Variants in ARID1B observed in about 807,000 individuals in gnomAD.
ARID1B encodes the protein AT-rich interaction domain 1B.
In ARID1B, 30 loss-of-function variants were observed where a neutral mutation model predicts 212.3. The ratio of observed to expected loss-of-function variants is 0.14; its 90% CI spans 0.11 to 0.19. ARID1B has a LOEUF of 0.19. ARID1B is among the 10% of genes least tolerant of loss of function. The pLI is 1.00. For missense variants in ARID1B, 2,891 were observed against 3,204.0 expected, an observed-to-expected ratio of 0.90 and a Z score of 2.36; for synonymous variants, 1,402 against 1,301.7, an observed-to-expected ratio of 1.08 and a Z score of -1.66.
intron 15 of ARID1B, among the ~76,000 whole-genome samples, chr6:157,191,754 A>G (rs1793390392): frequency 1.3e-5 from 2 of 152,184 alleles, no homozygotes; most frequent in African/African-American, 4.8e-5. Flanking sequence ...TGATGTGTAT[A>G]TTATTGGAAA....
At chr6:157,011,436 G>A (rs1230573664) in intron 4 of ARID1B, among the ~76,000 whole-genome samples, 1 of 152,178 alleles carries the variant, frequency 6.6e-6, no homozygotes, top group Non-Finnish European at 1.5e-5. Context: ...AATGAACTAA[G>A]TGGAAAAATT....
chr6:156,779,305 C>T lies in ARID1B; in HGVS notation c.1625C>T (p.Ala542Val). 1 of 1,132,568 alleles carries T rather than the reference C, an allele frequency of 8.8e-7. No individual in the cohort carries two copies. Among genetic ancestry groups the T allele is most frequent in the Admixed American group, 5.0e-5 (1 of 20,006 alleles). 70.2% of individuals were successfully genotyped at this position (1,132,568 alleles called of 1,614,324 possible). The change falls in exon 1 of 20, where the codon GCG becomes GTG. Residue 542 changes from alanine to valine, a missense_variant. Ala to Val is a moderately conservative substitution (Grantham distance 64). Around this residue, in one of 7 missense-constraint regions of ARID1B, gnomAD observed 1,643 missense variants for 1,544.0 expected, o/e 1.06. Transcript: ENST00000636930. ...TCGCAGCCCCAGTCCCAGGCGGCGGCGGCGGGGGCGGCGGCGGGCGGCCAG... is the reference window on the plus strand; with the variant it reads ...TCGCAGCCCCAGTCCCAGGCGGCGGTGGCGGGGGCGGCGGCGGGCGGCCAG... Reference protein sequence around the residue: ...PPSQPQSQAAAAGAAAGGQQA... With the variant: ...PPSQPQSQAAVAGAAAGGQQA...
At position 156,829,449 on chromosome 6, in the gene ARID1B, T is replaced by C. The variant is rs73572289; in HGVS notation, c.1986+28T>C. On this transcript the variant is annotated intron_variant, in intron 2 of 19. Coordinates refer to ENST00000636930, the MANE Select transcript of ARID1B (RefSeq NM_001374828.1). ...TTGTGCTGGTCCCCCGACCCGCTGC[T>C]TTTTTGTAATAGTTTTGTCTTTGCC... is the stretch of plus-strand genomic sequence containing the variant. The C allele has an allele frequency of 8.0e-3, 12,785 of 1,593,960 alleles. 891 individuals carry two copies. In the African/African-American group the frequency reaches 0.15, roughly 19 times the overall value.
Position 157,206,891 on chromosome 6 carries a change from A to G in ARID1B, c.6119A>G (p.Lys2040Arg), listed in dbSNP as rs893554512. Reference sequence around the variant, plus strand: ...CAAGCCAAAAGTCACCGGAACATCAAGCTGCTGGAGGACGAGCCCAGGAGC... The same window carrying G: ...CAAGCCAAAAGTCACCGGAACATCAGGCTGCTGGAGGACGAGCCCAGGAGC... ...IQQAKSHRNIKLLEDEPRSRD... is the reference protein window; with the variant it reads ...IQQAKSHRNIRLLEDEPRSRD... The change falls in exon 20 of 20, where the codon AAG (lysine) becomes AGG (arginine). Residue 2040 changes from lysine (K) to arginine (R), a missense_variant. Physicochemically the swap from Lys to Arg is conservative, Grantham distance 26. This residue lies in a region of ARID1B where 332 missense variants were observed against 369.2 expected (regional missense o/e 0.90). Transcript: ENST00000636930. The surrounding 1 kb of genome is among the most constrained non-coding windows in gnomAD (Gnocchi z 6.8). 5 of 1,614,038 alleles carry G rather than the reference A, an allele frequency of 3.1e-6. No homozygotes were observed. The highest frequency in any genetic ancestry group is 3.3e-5 in the Admixed American group (2 of 60,006).
At chr6:157,044,549 G>A (rs1051418196) in intron 4 of ARID1B, among the ~76,000 whole-genome samples, 3 of 152,202 alleles carry the variant, frequency 2.0e-5, no homozygotes, top group Non-Finnish European at 4.4e-5. Context: ...GGGAAAAAGC[G>A]GGAGGTTCAC....
chr6:156,824,598 CTACAAAAAA>C (rs1782612827), intron 1 of ARID1B, among the ~76,000 whole-genome samples: 2 of 152,056 alleles, frequency 1.3e-5, no homozygotes, highest in African/African-American at 2.4e-5. Flanking sequence ...AATCCTGTCT[CTACAAAAAA>C]TACAAAAATA....
At chr6:156,882,758 A>G (rs9480399) in intron 2 of ARID1B, among the ~76,000 whole-genome samples, 7,261 of 152,264 alleles carry the variant, frequency 0.048, 607 homozygotes, top group African/African-American at 0.16. Flanking sequence ...AGTGCTTTGT[A>G]TAACGTCTTG....
chr6:157,049,996 A>G (rs1782486954), intron 4 of ARID1B, among the ~76,000 whole-genome samples: 1 of 152,188 alleles, frequency 6.6e-6, no homozygotes, highest in Non-Finnish European at 1.5e-5. Context: ...AAGAATAACA[A>G]CGCCTGTGGC....
chr6:156,803,768 G>C (rs1780955640), intron 1 of ARID1B, among the ~76,000 whole-genome samples: 1 of 150,770 alleles, frequency 6.6e-6, no homozygotes, highest in Admixed American at 6.6e-5. Flanking sequence ...GATTTTTCCT[G>C]GGTGTCTGTT....
At chr6:157,167,566 T>TGGAAGGGCA (rs1449522708) in intron 9 of ARID1B, 2 of 167,506 alleles carry the variant, frequency 1.2e-5, no homozygotes, top group African/African-American at 4.8e-5. Context: ...GGGAAATCGC[T>TGGAAGGGCA]GGAAGGGCAG....
At chr6:156,899,059 ATAAT>A (rs749083384) in intron 2 of ARID1B, among the ~76,000 whole-genome samples, 29 of 152,304 alleles carry the variant, frequency 1.9e-4, no homozygotes, top group African/African-American at 3.1e-4. Flanking sequence ...CATTTAGGAA[ATAAT>A]TAATATTTTA....
intron 4 of ARID1B, among the ~76,000 whole-genome samples, chr6:157,077,064 G>A (rs1395308244): frequency 6.6e-6 from 1 of 152,134 alleles, no homozygotes; most frequent in East Asian, 1.9e-4. Flanking sequence ...TTCTCACATG[G>A]ACCTGAAATG....
At chr6:157,191,281 G>A (rs1793351619) in intron 15 of ARID1B, among the ~76,000 whole-genome samples, 1 of 152,116 alleles carries the variant, frequency 6.6e-6, no homozygotes, top group Non-Finnish European at 1.5e-5. Context: ...TGCTGGTGGA[G>A]TGAACGCGGG....
intron 1 of ARID1B, among the ~76,000 whole-genome samples, chr6:156,787,263 G>A (rs998037137): frequency 7.9e-5 from 12 of 152,122 alleles, no homozygotes; most frequent in African/African-American, 2.7e-4. Flanking sequence ...TTGGATTGCT[G>A]GGGTATTTTT....
intron 17 of ARID1B, among the ~76,000 whole-genome samples, chr6:157,199,810 C>T (rs1277333440): frequency 3.3e-5 from 5 of 151,686 alleles, no homozygotes; most frequent in African/African-American, 9.7e-5. Flanking sequence ...ACTACAGGCA[C>T]CCGCCACCAT....
intron 1 of ARID1B, among the ~76,000 whole-genome samples, chr6:156,787,133 G>A (rs893722978): frequency 7.9e-5 from 12 of 151,738 alleles, no homozygotes; most frequent in African/African-American, 2.9e-4. Flanking sequence ...ACTAAAAGAA[G>A]GAAAATATAA....
intron 4 of ARID1B, among the ~76,000 whole-genome samples, chr6:157,019,483 A>T (rs1780098465): frequency 6.6e-6 from 1 of 152,194 alleles, no homozygotes; most frequent in Admixed American, 6.5e-5. Context: ...TGCTTGGAGG[A>T]GTTAAATTTA....
intron 2 of ARID1B, among the ~76,000 whole-genome samples, chr6:156,838,960 A>G (rs1000952449): frequency 1.7e-4 from 26 of 152,070 alleles, no homozygotes; most frequent in African/African-American, 6.0e-4. Flanking sequence ...AGGCATCCCA[A>G]TAGTCATTTT....
chr6:157,129,514 A>C (rs1788384522), intron 6 of ARID1B, among the ~76,000 whole-genome samples: 1 of 152,248 alleles, frequency 6.6e-6, no homozygotes, highest in Non-Finnish European at 1.5e-5. Flanking sequence ...GTGCCATTGC[A>C]AAAGTAAATA....
Sources: allele counts gnomAD v4.1 joint callset (sites outside exome capture counted in the v4.1 genomes callset), GRCh38; gene constraint gnomAD v4.1.1; regional missense constraint gnomAD v4.1.1; non-coding constraint Gnocchi (gnomAD v3.1); transcripts MANE v1.5; gene names NCBI Gene and HGNC (gene_info 2026-07-23, HGNC 2026-07-21).